CACNA2D3: variants seen among roughly 807,000 people sequenced by gnomAD.
CACNA2D3 encodes the protein calcium voltage-gated channel auxiliary subunit alpha2delta 3, also known as voltage-dependent calcium channel subunit alpha-2/delta-3.
Under a neutral mutation model 160.6 loss-of-function variants are expected in CACNA2D3, and 60 were observed. The observed-to-expected ratio is 0.37, with a 90% CI of 0.30 to 0.46. CACNA2D3 has a LOEUF of 0.46. CACNA2D3 is among the 20% of genes least tolerant of loss of function. The probability of loss-of-function intolerance (pLI) is 1.00; values close to 1 mark genes in which losing one functional copy is unlikely to be tolerated. For synonymous variants in CACNA2D3, 558 were observed against 492.9 expected, an observed-to-expected ratio of 1.13 and a Z score of -1.75; for missense variants, 1,205 against 1,365.0, an observed-to-expected ratio of 0.88 and a Z score of 1.85.
intron 2 of CACNA2D3, among the ~76,000 whole-genome samples, chr3:54,154,819 C>T (rs569853474): frequency 7.5e-4 from 114 of 152,288 alleles, no homozygotes; most frequent in African/African-American, 2.6e-3. Context: ...AAAAAACCTG[C>T]CAGCTGCGAT....
intron 2 of CACNA2D3, among the ~76,000 whole-genome samples, chr3:54,241,644 C>G (rs186891905): frequency 6.6e-6 from 1 of 152,284 alleles, no homozygotes; most frequent in Non-Finnish European, 1.5e-5. Context: ...GCTGTGGTCA[C>G]ATGGATGTGG....
chr3:54,790,765 C>G (rs528621399), intron 13 of CACNA2D3, among the ~76,000 whole-genome samples: 1 of 152,288 alleles, frequency 6.6e-6, no homozygotes, highest in South Asian at 2.1e-4. Flanking sequence ...CCCCTAGTGA[C>G]TCACTGAGCT....
At chr3:54,488,088 A>T (rs1701045527) in intron 4 of CACNA2D3, among the ~76,000 whole-genome samples, 1 of 152,224 alleles carries the variant, frequency 6.6e-6, no homozygotes, top group African/African-American at 2.4e-5. Flanking sequence ...AAATGCAAAC[A>T]TTCTGAAATG....
chr3:54,953,647 C>G (rs1331281101), intron 27 of CACNA2D3, among the ~76,000 whole-genome samples: 2 of 152,200 alleles, frequency 1.3e-5, no homozygotes, highest in Non-Finnish European at 2.9e-5. Context: ...CTAAAAGGTC[C>G]AGTTCCCCAG....
chr3:54,642,303 A>T, intron 11 of CACNA2D3, 62 bp downstream of exon 11: 1 of 935,330 alleles, frequency 1.1e-6, no homozygotes, highest in Non-Finnish European at 1.6e-6. Context: ...TGTAATCTCC[A>T]GCTTGTCCAT....
intron 35 of CACNA2D3, among the ~76,000 whole-genome samples, chr3:55,052,897 A>G (rs933004398): frequency 6.6e-6 from 1 of 152,140 alleles, no homozygotes; most frequent in Non-Finnish European, 1.5e-5. Context: ...GTGTTCTTAT[A>G]GATAGGACGT....
At chr3:54,950,437 G>C (rs983086616) in intron 27 of CACNA2D3, among the ~76,000 whole-genome samples, 5 of 152,146 alleles carry the variant, frequency 3.3e-5, no homozygotes, top group African/African-American at 1.2e-4. Context: ...CTGTGAAATT[G>C]CAGTGTTCCT....
At chr3:54,350,692 A>T (rs978727871) in intron 3 of CACNA2D3, among the ~76,000 whole-genome samples, 2 of 152,172 alleles carry the variant, frequency 1.3e-5, no homozygotes, top group Non-Finnish European at 2.9e-5. Context: ...CTTGCTCACA[A>T]CCCAGGCAAA....
At chr3:54,468,100 T>C (rs1700661331) in intron 4 of CACNA2D3, among the ~76,000 whole-genome samples, 1 of 152,196 alleles carries the variant, frequency 6.6e-6, no homozygotes, top group Admixed American at 6.5e-5. Context: ...TATGAAGTGA[T>C]ACATAAAAAG....
chr3:54,880,022 C>T (rs920669169), intron 20 of CACNA2D3, among the ~76,000 whole-genome samples: 17 of 152,224 alleles, frequency 1.1e-4, no homozygotes, highest in African/African-American at 3.4e-4. Flanking sequence ...AAGCCTGCTT[C>T]ATATTCCTGA....
rs1468110151 is a variant in CACNA2D3 at position 54,217,474 on chromosome 3, GTGTAATTAAATAT to G, written c.204+93884_204+93896del. 6.6e-5 allele frequency among the ~76,000 whole-genome samples: 10 copies of G among 152,314 alleles called. No individual in the cohort carries two copies. The South Asian group carries it at 2.1e-3, about 32-fold the overall frequency. ...TTATTTAGAAAAAGTGTCTTTGGAGGTGTAATTAAATATTGTGAGATGAGGAGATGACCCTGGA... is the reference window on the plus strand; with the variant it reads ...TTATTTAGAAAAAGTGTCTTTGGAGGTGTGAGATGAGGAGATGACCCTGGA... On this transcript the variant is annotated intron_variant, in intron 2 of 37. Transcript: ENST00000474759.
chr3:54,466,356 G>GTAAA (rs1178799669), intron 4 of CACNA2D3, among the ~76,000 whole-genome samples: 3 of 152,084 alleles, frequency 2.0e-5, no homozygotes, highest in Non-Finnish European at 2.9e-5. Context: ...TTAAATTCAG[G>GTAAA]ATTCTTTCTA....
intron 2 of CACNA2D3, among the ~76,000 whole-genome samples, chr3:54,298,578 C>G (rs1703393528): frequency 6.6e-6 from 1 of 152,164 alleles, no homozygotes; most frequent in African/African-American, 2.4e-5. Flanking sequence ...GTGGGTGGAT[C>G]ACTTGAGCCT....
intron 10 of CACNA2D3, among the ~76,000 whole-genome samples, chr3:54,640,877 T>A (rs1315271386): frequency 1.3e-5 from 2 of 152,180 alleles, no homozygotes; most frequent in Non-Finnish European, 2.9e-5. Context: ...GCCCATTGTT[T>A]GTATAATGTG....
chr3:54,169,389 G>C (rs1007649113), intron 2 of CACNA2D3, among the ~76,000 whole-genome samples: 1 of 151,996 alleles, frequency 6.6e-6, no homozygotes, highest in Non-Finnish European at 1.5e-5. Flanking sequence ...TGAAAATAAA[G>C]CTTCATGGTC....
chr3:54,130,451 G>A (rs999404093), intron 2 of CACNA2D3, among the ~76,000 whole-genome samples: 9 of 152,170 alleles, frequency 5.9e-5, no homozygotes, highest in Non-Finnish European at 7.3e-5. Context: ...CATTTCCACC[G>A]TGGCCCTGGG....
chr3:54,297,928 A>T (rs1178254814), intron 2 of CACNA2D3, among the ~76,000 whole-genome samples: 5 of 152,196 alleles, frequency 3.3e-5, no homozygotes, highest in African/African-American at 1.2e-4. Context: ...ATCACACAGA[A>T]GTTGTTAGAA....
chr3:54,252,100 GTTTTT>G lies in CACNA2D3; in HGVS notation c.205-68332_205-68328del, dbSNP rs548233026. ...TCCAATTTCTCTTTTTGCAGAGCTA[GTTTTT>G]TTTTTTTTTGTACGATACTCTCCGT... On this transcript the variant is annotated intron_variant, in intron 2 of 37. Transcript: ENST00000474759. 3.1e-3 allele frequency among the ~76,000 whole-genome samples: 369 copies of G among 120,976 alleles called. 15 individuals carry two copies. Among genetic ancestry groups the G allele is most frequent in the African/African-American group, 0.012 (353 of 29,210 alleles). 79.4% of individuals were successfully genotyped at this position (120,976 alleles called of 152,430 possible). A position where few individuals can be genotyped will look rare whatever the true frequency, so the allele number is the denominator to read the frequency against.
intron 9 of CACNA2D3, among the ~76,000 whole-genome samples, chr3:54,586,839 A>G (rs1702770844): frequency 6.6e-6 from 1 of 152,196 alleles, no homozygotes; most frequent in South Asian, 2.1e-4. Flanking sequence ...AAAATGGAAT[A>G]GAACAGGAAA....
Sources: allele counts gnomAD v4.1 joint callset (sites outside exome capture counted in the v4.1 genomes callset), GRCh38; gene constraint gnomAD v4.1.1; transcripts MANE v1.5; gene names NCBI Gene and HGNC (gene_info 2026-07-23, HGNC 2026-07-21).